Variants in BRD3 observed in about 807,000 individuals in gnomAD.
BRD3 encodes the protein bromodomain-containing protein 3.
A neutral mutation model predicts 66.8 loss-of-function variants in BRD3; 17 were observed. The observed-to-expected ratio is 0.25, with a 90% confidence interval of 0.17 to 0.38. BRD3 has a LOEUF of 0.38. BRD3 is among the 10% of genes least tolerant of loss of function. The probability of loss-of-function intolerance (pLI) is 1.00; values close to 1 mark genes in which losing one functional copy is unlikely to be tolerated. For missense variants in BRD3, 713 were observed against 956.1 expected, an observed-to-expected ratio of 0.75 and a Z score of 3.35; for synonymous variants, 421 against 393.2, an observed-to-expected ratio of 1.07 and a Z score of -0.84.
chr9:134,054,978 C>G (rs1564557872), intron 1 of BRD3, among the ~76,000 whole-genome samples: 1 of 152,226 alleles, frequency 6.6e-6, no homozygotes, highest in African/African-American at 2.4e-5. Context: ...GGGGCGCCCA[C>G]CTGTGCCAGG....
intron 1 of BRD3, chr9:134,057,571 T>A (rs1233300280): frequency 1.3e-5 from 2 of 152,100 alleles, no homozygotes; most frequent in Admixed American, 1.3e-4. Context: ...TCAGAATAAT[T>A]GCGCACGTGT....
chr9:134,051,035 G>C (rs1830282530), intron 4 of BRD3, among the ~76,000 whole-genome samples: 1 of 152,190 alleles, frequency 6.6e-6, no homozygotes, highest in Non-Finnish European at 1.5e-5. Flanking sequence ...TCTCCACCCA[G>C]ACAACACCTG....
At chr9:134,067,716 ACCGCCGCCG>A (rs574052202) in intron 1 of BRD3, among the ~76,000 whole-genome samples, 2 of 142,544 alleles carry the variant, frequency 1.4e-5, no homozygotes, top group East Asian at 2.1e-4. Flanking sequence ...AGCCCGCGCC[ACCGCCGCCG>A]CCACCGCCGC....
chr9:134,036,058 A>G lies in BRD3; in HGVS notation c.1910T>C (p.Leu637Ser), dbSNP rs750315796. 1 of 1,608,474 alleles carries G rather than the reference A, an allele frequency of 6.2e-7. No individual in the cohort carries two copies. The highest frequency in any genetic ancestry group is 2.2e-5 in the East Asian group (1 of 44,800). Residue 637 changes from leucine to serine, a missense_variant, in exon 10 of 12, where the codon TTA (leucine) becomes TCA (serine). Around this residue, in one of 5 missense-constraint regions of BRD3, gnomAD observed 418 missense variants for 609.3 expected, o/e 0.69. Coordinates refer to ENST00000303407, the MANE Select transcript of BRD3 (RefSeq NM_007371.4). ...RELERYVKSC[L>S]QKKQRKPFSA... ...GAACGGTTTCCTTTGCTTTTTCTGT[A>G]AACAAGACTTGACATATCTCTCCAG...
At chr9:134,051,895 T>TTTG (rs1830314303) in intron 3 of BRD3, among the ~76,000 whole-genome samples, 186 bp from the exon 4 acceptor site, 2 of 111,024 alleles carry the variant, frequency 1.8e-5, no homozygotes, top group African/African-American at 9.2e-5. Flanking sequence ...TTTTGTTTTT[T>TTTG]TTTTTTTTTT....
At chr9:134,052,560 G>A in intron 2 of BRD3, 117 bp from the exon 3 acceptor site, 3 of 1,159,052 alleles carry the variant, frequency 2.6e-6, no homozygotes, top group Non-Finnish European at 2.4e-6. Flanking sequence ...CTGGCCCAGA[G>A]GCACTTTCTG....
chr9:134,044,358 T>G (rs546254689), intron 7 of BRD3, among the ~76,000 whole-genome samples: 2 of 152,334 alleles, frequency 1.3e-5, no homozygotes, highest in African/African-American at 4.8e-5. Context: ...GCCCCTTTTA[T>G]GGGTCCTGTG....
rs570684833 is a variant in BRD3, at chr9:134,030,890, C to T, written c.*2700G>A. 11 of 232,090 alleles carry T rather than the reference C, an allele frequency of 4.7e-5. No individual in the cohort carries two copies. The East Asian group carries it at 4.9e-4, about 10-fold the overall frequency. The allele number at this position is 232,090 out of a possible 1,614,324, so 14.4% of individuals were successfully genotyped here. A position where few individuals can be genotyped will look rare whatever the true frequency, so the allele number is the denominator to read the frequency against. On this transcript the variant is annotated 3_prime_UTR_variant, in exon 12 of 12. Coordinates refer to ENST00000303407, the MANE Select transcript of BRD3 (RefSeq NM_007371.4). ...TCCGACACACGACTTGTCACTACTC[C>T]TCTCCCCTTGAAAAAAGCATGTTAG...
rs1361268853 is a variant in BRD3, at chr9:134,034,746, C to G, written c.2020G>C (p.Asp674His). 6.2e-7 allele frequency: 1 copy of G among 1,609,904 alleles called. No individual in the cohort carries two copies. Among genetic ancestry groups the G allele is most frequent in the Non-Finnish European group, 8.5e-7 (1 of 1,180,010 alleles). The change falls in exon 11 of 12, where the codon GAT becomes CAT. Residue 674 changes from aspartate to histidine, a missense_variant. Physicochemically the swap from Asp to His is moderately conservative, Grantham distance 81. Coordinates refer to ENST00000303407, the MANE Select transcript of BRD3 (RefSeq NM_007371.4). ...KKKELEKRLQDVSGQLSSSKK... is the reference protein window; with the variant it reads ...KKKELEKRLQHVSGQLSSSKK... Reference sequence around the variant, plus strand: ...CTGCTGCTCAGCTGCCCGCTGACATCCTGCAGACGCTTTTCCAGCTCCTTC... The same window carrying G: ...CTGCTGCTCAGCTGCCCGCTGACATGCTGCAGACGCTTTTCCAGCTCCTTC...
At chr9:134,063,816 T>C (rs979943624) in intron 1 of BRD3, among the ~76,000 whole-genome samples, 1 of 152,126 alleles carries the variant, frequency 6.6e-6, no homozygotes, top group Non-Finnish European at 1.5e-5. Context: ...CTGCAGCTGG[T>C]TATCAAGCCA....
chr9:134,035,320 C>A (rs1241961286), intron 10 of BRD3, among the ~76,000 whole-genome samples: 2 of 152,178 alleles, frequency 1.3e-5, no homozygotes, highest in Non-Finnish European at 2.9e-5. Context: ...CACAGACATT[C>A]CATCCAGGAA....
chr9:134,045,801 G>A lies in BRD3; in HGVS notation c.1087-380C>T, dbSNP rs975847277. On this transcript the variant is annotated intron_variant, in intron 6 of 11. Coordinates refer to ENST00000303407, the MANE Select transcript of BRD3 (RefSeq NM_007371.4). This position sits in a 1 kb window ranked among gnomAD's most constrained non-coding sequence, Gnocchi z 4.8. ...GCCGCCACGCCATCAGCAGCCCCAG[G>A]GGGCGTGAGGCTGCAGCAAAGTCAG... Among the ~76,000 whole-genome samples the A allele has an allele frequency of 6.6e-6, 1 of 152,184 alleles. No individual in the cohort carries two copies. Among genetic ancestry groups the A allele is most frequent in the Non-Finnish European group, 1.5e-5 (1 of 68,036 alleles).
chr9:134,043,889 T>C (rs1310384207), intron 7 of BRD3, among the ~76,000 whole-genome samples: 8 of 152,174 alleles, frequency 5.3e-5, no homozygotes, highest in Admixed American at 5.2e-4. Context: ...ACAGCTCGTC[T>C]CAAACTCTTG....
rs781331762 is a variant in BRD3, at chr9:134,034,820, C to A, written c.1946G>T (p.Gly649Val). The change falls in exon 11 of 12, where the codon GGG becomes GTG. Residue 649 changes from glycine to valine, a missense_variant. Around this residue, in one of 5 missense-constraint regions of BRD3, gnomAD observed 418 missense variants for 609.3 expected, o/e 0.69. Coordinates refer to ENST00000303407, the MANE Select transcript of BRD3 (RefSeq NM_007371.4). ...TTTCGACTTGGCTGCCTGTTTCTTC[C>A]CGCTTGCTGCTGTCGGGGAACAAAT... is the stretch of plus-strand genomic sequence containing the variant. ...KKQRKPFSASGKKQAAKSKEE... is the reference protein window; with the variant it reads ...KKQRKPFSASVKKQAAKSKEE... The A allele has an allele frequency of 6.2e-7, 1 of 1,612,058 alleles. No individual in the cohort carries two copies. The highest frequency in any genetic ancestry group is 8.5e-7 in the Non-Finnish European group (1 of 1,180,016).
intron 1 of BRD3, among the ~76,000 whole-genome samples, chr9:134,067,334 G>A (rs1472466432): frequency 1.3e-5 from 2 of 151,678 alleles, no homozygotes; most frequent in African/African-American, 4.8e-5. Flanking sequence ...GCAGAGCCCA[G>A]GGCCGAGCCC....
At position 134,036,213 on chromosome 9, in the gene BRD3, G is replaced by A; in HGVS notation, c.1755C>T (p.Asn585=). 2 of 1,614,248 alleles carry A rather than the reference G, an allele frequency of 1.2e-6. No homozygotes were observed. Among genetic ancestry groups the A allele is most frequent in the Non-Finnish European group, 1.7e-6 (2 of 1,180,040 alleles). Residue 585 remains asparagine, a synonymous_variant, in exon 10 of 12, where the codon AAC becomes AAT. Coordinates refer to ENST00000303407, the MANE Select transcript of BRD3 (RefSeq NM_007371.4). ...GGCCCAGCTTCTCCCCGGGCAGCCG[G>A]TTGATGTCCAGGCTAAGCTGGCGCT... The part of the protein sequence containing the change: ...DEKRQLSLDI[N]RLPGEKLGRV...
intron 5 of BRD3, 73 bp from the exon 6 acceptor site, chr9:134,048,527 T>G: frequency 6.3e-7 from 1 of 1,581,962 alleles, no homozygotes; most frequent in East Asian, 2.2e-5. Flanking sequence ...CAGCCGCGTT[T>G]CTGGGGCACT....
In BRD3 at chr9:134,032,867, T is replaced by TG; in HGVS notation, c.*722_*723insC. ...TTTTTTTTTTTTTTAAATCTTTTCT[T>TG]CTTTTTTTTTTTTTAAAGTTGAGGT... On this transcript the variant is annotated 3_prime_UTR_variant, in exon 12 of 12. Transcript: ENST00000303407. 1.5e-5 allele frequency: 4 copies of TG among 259,310 alleles called. No homozygotes were observed. Among genetic ancestry groups the TG allele is most frequent in the Non-Finnish European group, 2.8e-5 (4 of 142,366 alleles). The allele number at this position is 259,310 out of a possible 1,614,324, so 16.1% of individuals were successfully genotyped here.
intron 1 of BRD3, among the ~76,000 whole-genome samples, chr9:134,059,567 G>T (rs941624009): frequency 6.6e-6 from 1 of 152,274 alleles, no homozygotes; most frequent in Non-Finnish European, 1.5e-5. Flanking sequence ...GCAGCAGAAG[G>T]GGGTGTGGTC....
Sources: gnomAD v4.1 joint callset for allele counts (sites outside exome capture counted in the v4.1 genomes callset) on GRCh38, gnomAD v4.1.1 for gene constraint, gnomAD v4.1.1 regional missense constraint, Gnocchi (gnomAD v3.1) non-coding constraint, MANE v1.5 for transcripts, NCBI Gene and HGNC (gene_info 2026-07-23, HGNC 2026-07-21) for gene names.